The following PPP2R5E variants were observed in gnomAD, a reference collection of about 807,000 sequenced individuals.
The protein encoded by PPP2R5E is protein phosphatase 2 regulatory subunit B'epsilon, also known as serine/threonine-protein phosphatase 2A 56 kDa regulatory subunit epsilon isoform.
In PPP2R5E, 4 loss-of-function variants were observed where a neutral mutation model predicts 65.3. The observed-to-expected ratio is 0.06, with a 90% CI of 0.03 to 0.14. The LOEUF (loss-of-function observed/expected upper bound fraction) is 0.14, where lower values mean the gene tolerates loss of function less well. Ranked by LOEUF, PPP2R5E falls within the 10% of genes least tolerant of loss-of-function variation. The pLI, the probability that PPP2R5E is intolerant of heterozygous loss-of-function variation, is 1.00. For missense variants in PPP2R5E, 274 were observed against 556.1 expected (o/e 0.49, Z 5.10); for synonymous variants, 183 against 187.4 (o/e 0.98, Z 0.19).
chr14:63,508,149 C>A, intron 2 of PPP2R5E: 1 of 985,604 alleles, frequency 1.0e-6, no homozygotes, highest in South Asian at 4.7e-5. Context: ...CCAGCCCCTG[C>A]AGCTCTCAGG....
intron 8 of PPP2R5E, 59 bp from the exon 9 acceptor site, chr14:63,392,084 A>C (rs1885055170): frequency 1.5e-6 from 2 of 1,353,058 alleles, no homozygotes; most frequent in Non-Finnish European, 2.0e-6. Context: ...AGGGCTCAAA[A>C]GATACACTAT....
At chr14:63,494,911 A>G (rs1215338478) in intron 2 of PPP2R5E, among the ~76,000 whole-genome samples, 1 of 151,692 alleles carries the variant, frequency 6.6e-6, no homozygotes, top group African/African-American at 2.4e-5. Context: ...AACAAAAAGC[A>G]AAAACAAAAA....
At chr14:63,387,691 G>T (rs1282064574) in intron 11 of PPP2R5E, among the ~76,000 whole-genome samples, 1 of 151,986 alleles carries the variant, frequency 6.6e-6, no homozygotes, top group Non-Finnish European at 1.5e-5. Context: ...TCGACAAATT[G>T]AATTGTGTCC....
chr14:63,457,621 C>T (rs1048259122), intron 2 of PPP2R5E, among the ~76,000 whole-genome samples: 4 of 152,126 alleles, frequency 2.6e-5, no homozygotes, highest in Non-Finnish European at 5.9e-5. Flanking sequence ...ACCTATCTTC[C>T]AGTGAAAACC....
chr14:63,474,509 A>C (rs1006432710), intron 2 of PPP2R5E, among the ~76,000 whole-genome samples: 2 of 151,928 alleles, frequency 1.3e-5, no homozygotes, highest in Non-Finnish European at 2.9e-5. Flanking sequence ...AGGTGGAGAT[A>C]GAAATGTGGG....
At chr14:63,437,031 A>C (rs1372003781) in intron 3 of PPP2R5E, among the ~76,000 whole-genome samples, 3 of 152,212 alleles carry the variant, frequency 2.0e-5, no homozygotes, top group Non-Finnish European at 4.4e-5. Context: ...TGCATAAAGA[A>C]GGCAACCAAA....
chr14:63,408,832 C>T (rs907118987), intron 5 of PPP2R5E, among the ~76,000 whole-genome samples: 2 of 152,174 alleles, frequency 1.3e-5, no homozygotes, highest in African/African-American at 2.4e-5. Context: ...CACAGTGACT[C>T]GCCTGTATTG....
chr14:63,530,832 G>A (rs1893397560), intron 2 of PPP2R5E, among the ~76,000 whole-genome samples: 1 of 151,216 alleles, frequency 6.6e-6, no homozygotes, highest in East Asian at 1.9e-4. Flanking sequence ...GGCCTGGCTG[G>A]TATCAAATTC....
At position 63,536,834 on chromosome 14, in the gene PPP2R5E, A is replaced by T. The variant is rs879259560; in HGVS notation, c.157+2695T>A. ...ACCTAGAGTAGTCAAATTCATAGAA[A>T]CAAAAAACAGAATGGCGGTTGCCAA... is the stretch of plus-strand genomic sequence containing the variant. On this transcript the variant is annotated intron_variant, in intron 2 of 13. Coordinates refer to ENST00000337537, the MANE Select transcript of PPP2R5E (RefSeq NM_006246.5). 4.6e-5 allele frequency among the ~76,000 whole-genome samples: 7 copies of T among 152,340 alleles called. No individual in the cohort carries two copies. The East Asian group carries it at 9.6e-4, about 21-fold the overall frequency.
At chr14:63,377,258 A>T (rs1037451731) in intron 13 of PPP2R5E, among the ~76,000 whole-genome samples, 5 of 152,214 alleles carry the variant, frequency 3.3e-5, no homozygotes, top group African/African-American at 1.2e-4. Flanking sequence ...ATGGGGATGT[A>T]ATCCATGCAC....
At chr14:63,506,649 T>C (rs1455662325) in intron 2 of PPP2R5E, among the ~76,000 whole-genome samples, 1 of 152,026 alleles carries the variant, frequency 6.6e-6, no homozygotes, top group Non-Finnish European at 1.5e-5. Context: ...AAATAATACG[T>C]GTTGGCAAAG....
Position 63,495,547 on chromosome 14 carries a change from C to T in PPP2R5E, c.158-41662G>A, listed in dbSNP as rs1002950633. Among the ~76,000 whole-genome samples, 5 of 151,928 alleles carry T rather than the reference C, an allele frequency of 3.3e-5. No individual in the cohort carries two copies. In the South Asian group the frequency reaches 6.2e-4, roughly 19 times the overall value. Reference sequence around the variant, plus strand: ...AGTGAGCTGAAATTGTGCCACTGCACTTCAGCCTGGGTGACAGTGCAAGGC... The same window carrying T: ...AGTGAGCTGAAATTGTGCCACTGCATTTCAGCCTGGGTGACAGTGCAAGGC... On this transcript the variant is annotated intron_variant, in intron 2 of 13. Transcript: ENST00000337537.
chr14:63,458,599 A>T (rs10138187), intron 2 of PPP2R5E, among the ~76,000 whole-genome samples: 44,062 of 152,050 alleles, frequency 0.29, 7,771 homozygotes, highest in African/African-American at 0.49. Flanking sequence ...TATCATAAAA[A>T]TAAGGTAAAT....
At chr14:63,382,184 TGTTA>T (rs751494637) in intron 12 of PPP2R5E, 27 bp from the exon 13 acceptor site, 109 of 1,567,862 alleles carry the variant, frequency 7.0e-5, no homozygotes, top group South Asian at 2.2e-4. Context: ...AAAAGGAGTG[TGTTA>T]GTTAGTCTTA....
intron 2 of PPP2R5E, among the ~76,000 whole-genome samples, chr14:63,508,926 C>G: frequency 6.6e-6 from 1 of 152,248 alleles, no homozygotes; most frequent in East Asian, 1.9e-4. Context: ...AGCTTTTCCA[C>G]TGCAAAATTT....
At chr14:63,475,603 T>C (rs1890368674) in intron 2 of PPP2R5E, among the ~76,000 whole-genome samples, 1 of 152,214 alleles carries the variant, frequency 6.6e-6, no homozygotes, top group South Asian at 2.1e-4. Context: ...TTATTTATAA[T>C]CTTTCATTTA....
rs186234403 is a variant in PPP2R5E, at chr14:63,409,696, G to A, written c.549+5444C>T. Among the ~76,000 whole-genome samples, 210 of 152,302 alleles carry A rather than the reference G, an allele frequency of 1.4e-3. 8 individuals are homozygous for A. The highest frequency in any genetic ancestry group is 0.014 in the Admixed American group (207 of 15,298). ...ATCTGCCCAAGGTTTTCAGTCACCT[G>A]TTTAAGATTGAAGGCAGGGATCCTG... On this transcript the variant is annotated intron_variant, in intron 5 of 13. Transcript: ENST00000337537.
intron 2 of PPP2R5E, among the ~76,000 whole-genome samples, chr14:63,534,268 A>T (rs1893567127): frequency 6.6e-6 from 1 of 152,168 alleles, no homozygotes; most frequent in Non-Finnish European, 1.5e-5. Context: ...GTGTAAGTGT[A>T]AGGAAAGTAT....
chr14:63,528,782 C>G (rs1301422587), intron 2 of PPP2R5E, among the ~76,000 whole-genome samples: 1 of 151,718 alleles, frequency 6.6e-6, no homozygotes, highest in Non-Finnish European at 1.5e-5. Context: ...TATTAGTCAA[C>G]TAAGTCAACC....
Sources: allele counts gnomAD v4.1 joint callset (sites outside exome capture counted in the v4.1 genomes callset), GRCh38; gene constraint gnomAD v4.1.1; transcripts MANE v1.5; gene names NCBI Gene and HGNC (gene_info 2026-07-23, HGNC 2026-07-21).